Variants in ZNF438 observed in about 807,000 individuals in gnomAD.
ZNF438 encodes zinc finger protein 438.
A neutral mutation model predicts 38.0 loss-of-function variants in ZNF438; 25 were observed. The observed-to-expected ratio is 0.66, with a 90% CI of 0.48 to 0.92. The LOEUF is 0.92. Ranked by LOEUF, ZNF438 falls within the 40% of genes least tolerant of loss-of-function variation. The pLI is 0.00. For missense variants in ZNF438, 1,007 were observed against 999.6 expected (o/e 1.01, Z -0.10); for synonymous variants, 372 against 364.1 (o/e 1.02, Z -0.25).
At position 30,943,726 on chromosome 10, in the gene ZNF438, G is replaced by A. The variant is rs373630590; in HGVS notation, c.-191-2075C>T. Among the ~76,000 whole-genome samples the A allele has an allele frequency of 3.3e-5, 5 of 152,278 alleles. No individual in the cohort carries two copies. The East Asian group carries it at 9.6e-4, about 29-fold the overall frequency. ...TTAGAAAAGGGAGATGGTAGTGAAA[G>A]AGTTATAAGAAAAGGAACTAAGGAA... On this transcript the variant is annotated intron_variant, in intron 1 of 5. Transcript: ENST00000413025.
intron 4 of ZNF438, among the ~76,000 whole-genome samples, chr10:30,876,566 T>C (rs1163295643): frequency 6.6e-6 from 1 of 152,244 alleles, no homozygotes; most frequent in Non-Finnish European, 1.5e-5. Flanking sequence ...CAAAGAAATG[T>C]ATACACAAAT....
Position 30,849,162 on chromosome 10 carries a change from CTCTT to C in ZNF438, c.1239_1242del (p.Arg414Ter), listed in dbSNP as rs1240740536. ...CTGAATTCTTGGGGATCATTTTTTACTCTTTCTTTACCATCTCTACACTTATTAA... is the reference window on the plus strand; with the variant it reads ...CTGAATTCTTGGGGATCATTTTTTACTCTTTACCATCTCTACACTTATTAA... On this transcript the variant is annotated frameshift_variant, in exon 5 of 6. Transcript: ENST00000413025. LOFTEE classifies it high-confidence loss of function. 4 of 1,613,870 alleles carry C rather than the reference CTCTT, an allele frequency of 2.5e-6. No homozygotes were observed. In the South Asian group the frequency reaches 3.3e-5, roughly 13 times the overall value.
At chr10:30,846,113 T>C (rs1196357641) in intron 5 of ZNF438, among the ~76,000 whole-genome samples, 1 of 152,262 alleles carries the variant, frequency 6.6e-6, no homozygotes, top group Non-Finnish European at 1.5e-5. Context: ...TTAAGACCTC[T>C]GTGCCTTTCA....
At chr10:30,940,572 G>A (rs1282862362) in intron 2 of ZNF438, among the ~76,000 whole-genome samples, 1 of 152,166 alleles carries the variant, frequency 6.6e-6, no homozygotes, top group Non-Finnish European at 1.5e-5. Flanking sequence ...TGGCTCAAGT[G>A]GGGTACATTT....
chr10:31,018,986 T>G (rs1440629723), intron 1 of ZNF438, among the ~76,000 whole-genome samples: 1 of 152,220 alleles, frequency 6.6e-6, no homozygotes, highest in East Asian at 1.9e-4. Context: ...AAAGTCATAC[T>G]TATTGGCAGG....
chr10:30,890,938 G>A (rs2040605387), intron 3 of ZNF438, among the ~76,000 whole-genome samples: 1 of 152,162 alleles, frequency 6.6e-6, no homozygotes, highest in African/African-American at 2.4e-5. Flanking sequence ...TAATTTTTGT[G>A]GGTACGCAAT....
chr10:30,855,616 G>A (rs55777926), intron 4 of ZNF438, among the ~76,000 whole-genome samples: 6,948 of 152,286 alleles, frequency 0.046, 215 homozygotes, highest in Middle Eastern at 0.071. Context: ...CAAGGCCACA[G>A]AAACAGAAGA....
intron 1 of ZNF438, among the ~76,000 whole-genome samples, chr10:30,989,005 C>G (rs2053162717): frequency 6.6e-6 from 1 of 151,978 alleles, no homozygotes; most frequent in Non-Finnish European, 1.5e-5. Flanking sequence ...AGATGAAGGC[C>G]TCAACAGCTA....
intron 1 of ZNF438, among the ~76,000 whole-genome samples, chr10:30,985,713 T>TATGA (rs2052701611): frequency 6.6e-6 from 1 of 152,232 alleles, no homozygotes. Flanking sequence ...AGTTAAGTTC[T>TATGA]ATGAAGTCAC....
intron 1 of ZNF438, among the ~76,000 whole-genome samples, chr10:30,952,526 A>G (rs2048334852): frequency 6.7e-6 from 1 of 149,786 alleles, no homozygotes; most frequent in Non-Finnish European, 1.5e-5. Flanking sequence ...AATATCCAGA[A>G]TCTACAATAA....
chr10:30,943,256 T>C (rs1356128602), intron 1 of ZNF438, among the ~76,000 whole-genome samples: 3 of 152,094 alleles, frequency 2.0e-5, no homozygotes, highest in Non-Finnish European at 2.9e-5. Flanking sequence ...TGTTTCTCTA[T>C]GGTTAGAAAT....
At chr10:30,919,157 A>G (rs2043996102) in intron 2 of ZNF438, 1 of 151,854 alleles carries the variant, frequency 6.6e-6, no homozygotes, top group South Asian at 2.1e-4. Flanking sequence ...TCTTCCTTCT[A>G]TGGGTTTTCC....
intron 1 of ZNF438, among the ~76,000 whole-genome samples, chr10:30,975,618 T>C (rs1260876590): frequency 6.6e-6 from 1 of 152,182 alleles, no homozygotes; most frequent in East Asian, 1.9e-4. Context: ...TATCTTAATT[T>C]CACATCTGAC....
intron 1 of ZNF438, among the ~76,000 whole-genome samples, chr10:31,029,123 T>C (rs750574399): frequency 1.3e-5 from 2 of 152,218 alleles, no homozygotes; most frequent in East Asian, 3.8e-4. Context: ...CCACAATGCT[T>C]AGGTTTGAAT....
intron 2 of ZNF438, among the ~76,000 whole-genome samples, chr10:30,917,259 T>C (rs937351715): frequency 2.0e-5 from 3 of 152,122 alleles, no homozygotes; most frequent in African/African-American, 7.2e-5. Context: ...GAAGCTGGGC[T>C]ATTCCAGTTT....
intron 3 of ZNF438, among the ~76,000 whole-genome samples, chr10:30,893,510 A>G (rs554092719): frequency 2.0e-5 from 3 of 152,382 alleles, no homozygotes; most frequent in African/African-American, 4.8e-5. Context: ...GTCAAACCAC[A>G]TAACATAATT....
rs760276242 is a variant in ZNF438, at chr10:30,877,951, C to T, written c.-31-886G>A. ...TAAAAGGCATGATTCCTACTTCTAG[C>T]CAAGATGGAGTAACAGAGACCAGAT... On this transcript the variant is annotated intron_variant, in intron 3 of 5. Coordinates refer to ENST00000413025, the Ensembl canonical transcript of ZNF438. 6.3e-4 allele frequency among the ~76,000 whole-genome samples: 96 copies of T among 152,096 alleles called. 2 individuals carry two copies. The highest frequency in any genetic ancestry group is 5.0e-3 in the Admixed American group (77 of 15,276).
exon 5 of ZNF438, chr10:30,848,562 T>C: frequency 6.2e-7 from 1 of 1,613,744 alleles, no homozygotes; most frequent in South Asian, 1.1e-5. Context: ...CCTCGCACAC[T>C]CATGTCTCTG....
chr10:30,880,619 T>C (rs1045693718), intron 3 of ZNF438, among the ~76,000 whole-genome samples: 1 of 151,844 alleles, frequency 6.6e-6, no homozygotes, highest in Admixed American at 6.6e-5. Context: ...TTCCAGAAAA[T>C]TGAAAAGGAG....
Sources: allele counts gnomAD v4.1 joint callset (sites outside exome capture counted in the v4.1 genomes callset), GRCh38; gene constraint gnomAD v4.1.1; transcripts MANE v1.5; gene names NCBI Gene and HGNC (gene_info 2026-07-23, HGNC 2026-07-21).